DSCAM: variants seen among roughly 807,000 people sequenced by gnomAD.
The protein encoded by DSCAM is cell adhesion molecule DSCAM.
Under a neutral mutation model 217.7 loss-of-function variants are expected in DSCAM, and 47 were observed. The observed-to-expected ratio is 0.22, with a 90% CI of 0.17 to 0.28. DSCAM has a LOEUF of 0.28. DSCAM is among the 10% of genes least tolerant of loss of function. The probability of loss-of-function intolerance (pLI) is 1.00; values close to 1 mark genes in which losing one functional copy is unlikely to be tolerated. For synonymous variants in DSCAM, 1,056 were observed against 1,015.3 expected, an observed-to-expected ratio of 1.04 and a Z score of -0.76; for missense variants, 2,080 against 2,618.3, an observed-to-expected ratio of 0.79 and a Z score of 4.49.
rs567871451 is a variant in DSCAM at position 40,319,905 on chromosome 21, T to C, written c.1784-7546A>G. On this transcript the variant is annotated intron_variant, in intron 8 of 32. Coordinates refer to ENST00000400454, the MANE Select transcript of DSCAM (RefSeq NM_001389.5). ...TGAGATCATGTCCTTTGCAGGGACA[T>C]GGATGGAGCTGGAAGCCATTATCTT... is the stretch of plus-strand genomic sequence containing the variant. 4.6e-5 allele frequency among the ~76,000 whole-genome samples: 7 copies of C among 152,318 alleles called. No homozygotes were observed. In the East Asian group the frequency reaches 1.3e-3, roughly 29 times the overall value.
chr21:40,420,721 G>A (rs1281071418), intron 3 of DSCAM, among the ~76,000 whole-genome samples: 1 of 152,112 alleles, frequency 6.6e-6, no homozygotes, highest in African/African-American at 2.4e-5. Flanking sequence ...GGGGAATTTG[G>A]ACACAAACGG....
chr21:40,049,253 C>T (rs2088890641), intron 30 of DSCAM, among the ~76,000 whole-genome samples: 1 of 152,148 alleles, frequency 6.6e-6, no homozygotes, highest in African/African-American at 2.4e-5. Context: ...GCTTAGGGGA[C>T]CCTGAAAGAT....
chr21:40,187,875 G>A lies in DSCAM; in HGVS notation c.2650+16C>T, dbSNP rs548416404. ...GAAATGACTGTGTTTATTCTCTTAC[G>A]CTATCGTCTTCCTACCTTGCACTGT... On this transcript the variant is annotated intron_variant, in intron 13 of 32. Coordinates refer to ENST00000400454, the MANE Select transcript of DSCAM (RefSeq NM_001389.5). 1.5e-4 allele frequency: 241 copies of A among 1,596,150 alleles called. 1 individual carries two copies. The South Asian group carries it at 1.5e-3, about 10-fold the overall frequency.
chr21:40,433,437 A>G (rs1601640404), intron 3 of DSCAM, among the ~76,000 whole-genome samples: 2 of 151,524 alleles, frequency 1.3e-5, no homozygotes, highest in African/African-American at 4.9e-5. Flanking sequence ...GCCTGTTCAT[A>G]TGGGCTCCTT....
chr21:40,755,018 A>T (rs904464948), intron 1 of DSCAM, among the ~76,000 whole-genome samples: 3 of 152,198 alleles, frequency 2.0e-5, no homozygotes, highest in Admixed American at 2.0e-4. Flanking sequence ...AGGTCTAATG[A>T]TGGAGTTTTG....
chr21:40,767,070 G>C (rs777233193), intron 1 of DSCAM, among the ~76,000 whole-genome samples: 2 of 152,110 alleles, frequency 1.3e-5, no homozygotes, highest in African/African-American at 4.8e-5. Flanking sequence ...TATGGGTAGG[G>C]GAAATGTGGA....
chr21:40,777,610 G>A (rs2091500432), intron 1 of DSCAM, among the ~76,000 whole-genome samples: 1 of 151,952 alleles, frequency 6.6e-6, no homozygotes, highest in Non-Finnish European at 1.5e-5. Context: ...CTATTTGTAA[G>A]ACAAAAATAG....
chr21:40,413,993 C>A (rs1001765592), intron 3 of DSCAM, among the ~76,000 whole-genome samples: 3 of 152,102 alleles, frequency 2.0e-5, no homozygotes, highest in South Asian at 4.1e-4. Context: ...AGCTCATAGA[C>A]CTAAATGTAA....
At chr21:40,455,923 T>A (rs1385030058) in intron 3 of DSCAM, among the ~76,000 whole-genome samples, 4 of 152,130 alleles carry the variant, frequency 2.6e-5, no homozygotes, top group East Asian at 1.9e-4. Context: ...AAAATCTGCA[T>A]AACTGGTGTG....
intron 8 of DSCAM, among the ~76,000 whole-genome samples, chr21:40,322,618 A>G (rs111514108): frequency 0.03 from 4,489 of 151,562 alleles, 206 homozygotes; most frequent in East Asian, 0.23. Flanking sequence ...TCCGCCTCCC[A>G]GGTTCAATCA....
chr21:40,762,108 A>C (rs1175180002), intron 1 of DSCAM, among the ~76,000 whole-genome samples: 1 of 152,218 alleles, frequency 6.6e-6, no homozygotes, highest in Admixed American at 6.5e-5. Flanking sequence ...AATAACTAAG[A>C]TCAGAGCAGA....
chr21:40,683,620 G>C (rs1209415242), intron 3 of DSCAM, among the ~76,000 whole-genome samples: 3 of 152,144 alleles, frequency 2.0e-5, no homozygotes, highest in Non-Finnish European at 4.4e-5. Context: ...AGAGGTCCTA[G>C]AACGCCGGAG....
At chr21:40,803,523 C>A (rs1469784684) in intron 1 of DSCAM, among the ~76,000 whole-genome samples, 1 of 152,146 alleles carries the variant, frequency 6.6e-6, no homozygotes, top group African/African-American at 2.4e-5. Flanking sequence ...TGCTGCAACA[C>A]CCTCTAGTCA....
intron 3 of DSCAM, among the ~76,000 whole-genome samples, chr21:40,388,705 T>G (rs189675802): frequency 0.01 from 1,579 of 152,294 alleles, 10 homozygotes; most frequent in Middle Eastern, 0.034. Context: ...CTCTAAGCAC[T>G]GCAAACTTCA....
At chr21:40,274,984 A>G (rs992589281) in intron 11 of DSCAM, among the ~76,000 whole-genome samples, 49 of 152,110 alleles carry the variant, frequency 3.2e-4, no homozygotes, top group African/African-American at 1.1e-3. Flanking sequence ...ATCATATAGT[A>G]GAGACTTTTC....
intron 3 of DSCAM, among the ~76,000 whole-genome samples, chr21:40,579,413 TATAGAGAAAAGAATGATAA>T (rs2076885336): frequency 6.6e-6 from 1 of 151,932 alleles, no homozygotes; most frequent in African/African-American, 2.4e-5. Context: ...AGTTAGGAGA[TATAGAGAAAAGAATGATAA>T]ATTCCAATGT....
At chr21:40,068,497 G>A (rs577954275) in intron 27 of DSCAM, among the ~76,000 whole-genome samples, 6 of 152,148 alleles carry the variant, frequency 3.9e-5, no homozygotes, top group South Asian at 2.1e-4. Flanking sequence ...AGTGAATATC[G>A]AAATACAAAA....
chr21:40,530,886 CA>C (rs1284622812), intron 3 of DSCAM, among the ~76,000 whole-genome samples: 2 of 82,754 alleles, frequency 2.4e-5, no homozygotes, highest in African/African-American at 2.0e-4. Context: ...CCTGTCCATC[CA>C]TCCATCCATC....
intron 1 of DSCAM, among the ~76,000 whole-genome samples, chr21:40,714,648 T>G (rs2090821787): frequency 6.6e-6 from 1 of 152,204 alleles, no homozygotes; most frequent in African/African-American, 2.4e-5. Context: ...TCATAGCTCA[T>G]GGCTGGAGGG....
Sources: gnomAD v4.1 joint callset for allele counts (sites outside exome capture counted in the v4.1 genomes callset) on GRCh38, gnomAD v4.1.1 for gene constraint, MANE v1.5 for transcripts, NCBI Gene and HGNC (gene_info 2026-07-23, HGNC 2026-07-21) for gene names.